CSMD1: variants seen among roughly 807,000 people sequenced by gnomAD.
CSMD1 encodes the protein CUB and Sushi multiple domains 1.
CSMD1 carries 213 observed loss-of-function variants against 417.5 expected under a neutral mutation model. That is an observed-to-expected ratio of 0.51 (90% confidence interval 0.46 to 0.57). The LOEUF is 0.57. CSMD1 is among the 20% of genes least tolerant of loss of function. The probability of loss-of-function intolerance (pLI) is 0.00; values close to 1 mark genes in which losing one functional copy is unlikely to be tolerated. For synonymous variants in CSMD1, 2,862 were observed against 1,736.8 expected, an observed-to-expected ratio of 1.65 and a Z score of -16.11; for missense variants, 6,923 against 4,529.7, an observed-to-expected ratio of 1.53 and a Z score of -15.17.
At chr8:3,242,643 T>C (rs1297560859) in intron 26 of CSMD1, among the ~76,000 whole-genome samples, 1 of 151,356 alleles carries the variant, frequency 6.6e-6, no homozygotes, top group Non-Finnish European at 1.5e-5. Flanking sequence ...GTTGAAGAGG[T>C]TTTAGGTTTT....
At chr8:3,078,183 T>C (rs1813825899) in intron 49 of CSMD1, among the ~76,000 whole-genome samples, 1 of 152,248 alleles carries the variant, frequency 6.6e-6, no homozygotes, top group Admixed American at 6.5e-5. Flanking sequence ...TTACTTTGCA[T>C]ATTTTGTACA....
intron 1 of CSMD1, among the ~76,000 whole-genome samples, chr8:4,863,133 T>G (rs1037936450): frequency 6.6e-6 from 1 of 152,066 alleles, no homozygotes; most frequent in African/African-American, 2.4e-5. Flanking sequence ...AATAATAAAT[T>G]ACTGAGTTTA....
At chr8:3,426,267 C>T (rs1303228058) in intron 12 of CSMD1, among the ~76,000 whole-genome samples, 5 of 152,190 alleles carry the variant, frequency 3.3e-5, no homozygotes, top group African/African-American at 4.8e-5. Context: ...CTGCACATCA[C>T]ATGAGTTAAA....
At chr8:3,142,918 A>G (rs1340866770) in intron 40 of CSMD1, among the ~76,000 whole-genome samples, 1 of 152,200 alleles carries the variant, frequency 6.6e-6, no homozygotes, top group Non-Finnish European at 1.5e-5. Context: ...TTTGTTTGTG[A>G]AATATGAATA....
At chr8:4,235,021 G>A (rs1261468366) in intron 3 of CSMD1, among the ~76,000 whole-genome samples, 1 of 152,120 alleles carries the variant, frequency 6.6e-6, no homozygotes, top group Admixed American at 6.5e-5. Flanking sequence ...CGTATTGGTG[G>A]GAGTTAAGTC....
chr8:4,592,650 G>A (rs914811572), intron 2 of CSMD1, among the ~76,000 whole-genome samples: 2 of 152,258 alleles, frequency 1.3e-5, no homozygotes, highest in Admixed American at 6.5e-5. Context: ...GCCTCCCAAA[G>A]TGCTAGGATT....
chr8:4,805,981 T>C (rs978988081), intron 1 of CSMD1, among the ~76,000 whole-genome samples: 8 of 152,190 alleles, frequency 5.3e-5, no homozygotes, highest in Non-Finnish European at 1.0e-4. Flanking sequence ...GGGCTTTTCT[T>C]TCTCACACAA....
intron 30 of CSMD1, among the ~76,000 whole-genome samples, chr8:3,214,186 T>C (rs1260548654): frequency 6.6e-6 from 1 of 151,620 alleles, no homozygotes; most frequent in Non-Finnish European, 1.5e-5. Context: ...GAGAGAGAAG[T>C]AACTAGAGAA....
At chr8:4,929,878 C>T (rs182714256) in intron 1 of CSMD1, among the ~76,000 whole-genome samples, 212 of 152,242 alleles carry the variant, frequency 1.4e-3, no homozygotes, top group African/African-American at 5.0e-3. Flanking sequence ...CACTTGGCAC[C>T]ACAGAATCAG....
At chr8:3,757,689 C>T (rs1218015149) in intron 5 of CSMD1, among the ~76,000 whole-genome samples, 1 of 151,866 alleles carries the variant, frequency 6.6e-6, no homozygotes, top group African/African-American at 2.4e-5. Flanking sequence ...ATGGTGAAAC[C>T]CTGTCTCTAC....
chr8:4,281,674 T>A (rs1796792495), intron 3 of CSMD1, among the ~76,000 whole-genome samples: 1 of 152,326 alleles, frequency 6.6e-6, no homozygotes, highest in Middle Eastern at 3.4e-3. Flanking sequence ...TATAGTAACA[T>A]CTGTATGTGA....
intron 5 of CSMD1, among the ~76,000 whole-genome samples, chr8:3,882,913 G>C (rs1239731348): frequency 6.6e-6 from 1 of 152,158 alleles, no homozygotes; most frequent in Non-Finnish European, 1.5e-5. Context: ...TCTTGTGGGA[G>C]TAATGTTCTG....
chr8:3,869,273 T>C (rs1178792348), intron 5 of CSMD1, among the ~76,000 whole-genome samples: 3 of 152,176 alleles, frequency 2.0e-5, no homozygotes, highest in Admixed American at 6.5e-5. Context: ...CTTTCTCAAA[T>C]TGTGACACAC....
At chr8:4,736,333 T>C (rs1346337517) in intron 1 of CSMD1, among the ~76,000 whole-genome samples, 1 of 152,174 alleles carries the variant, frequency 6.6e-6, no homozygotes, top group Non-Finnish European at 1.5e-5. Flanking sequence ...TTCTTGGAGA[T>C]ATTCAGATAA....
At chr8:3,344,153 G>A (rs59233384) in intron 22 of CSMD1, among the ~76,000 whole-genome samples, 7,679 of 152,250 alleles carry the variant, frequency 0.05, 223 homozygotes, top group East Asian at 0.15. Flanking sequence ...GGAGAGGGAA[G>A]GTTCAGTCAT....
In CSMD1 at chr8:4,743,830, G is replaced by A. The variant is rs7837779; in HGVS notation, c.86-106272C>T. ...CTATGAAAACCTCTTTATCGCAAAA[G>A]CAAGCTTCTTGCGGTCCACTTTTCT... is the stretch of plus-strand genomic sequence containing the variant. On this transcript the variant is annotated intron_variant, in intron 1 of 69. Transcript: ENST00000635120. 7.5e-3 allele frequency among the ~76,000 whole-genome samples: 1,139 copies of A among 152,280 alleles called. 14 individuals are homozygous for A. Among genetic ancestry groups the A allele is most frequent in the Middle Eastern group, 0.034 (10 of 294 alleles).
At chr8:4,753,220 A>T (rs376428081) in intron 1 of CSMD1, among the ~76,000 whole-genome samples, 5 of 152,024 alleles carry the variant, frequency 3.3e-5, no homozygotes, top group African/African-American at 1.2e-4. Context: ...TGATGAGCTC[A>T]TTTGCTTTTT....
intron 9 of CSMD1, among the ~76,000 whole-genome samples, chr8:3,579,941 G>C (rs753136956): frequency 2.6e-5 from 4 of 151,862 alleles, no homozygotes; most frequent in Non-Finnish European, 5.9e-5. Flanking sequence ...CTGTCTCTAC[G>C]AAACATACAA....
chr8:4,801,678 G>C (rs147976980), intron 1 of CSMD1, among the ~76,000 whole-genome samples: 1 of 151,660 alleles, frequency 6.6e-6, no homozygotes, highest in Admixed American at 6.6e-5. Flanking sequence ...TCCAATAATG[G>C]AGCCCTGTCC....
Sources: gnomAD v4.1 joint callset for allele counts (sites outside exome capture counted in the v4.1 genomes callset) on GRCh38, gnomAD v4.1.1 for gene constraint, MANE v1.5 for transcripts, NCBI Gene and HGNC (gene_info 2026-07-23, HGNC 2026-07-21) for gene names.